Variants in CRYBG1 observed in about 807,000 individuals in gnomAD.
The protein encoded by CRYBG1 is beta/gamma crystallin domain-containing protein 1.
CRYBG1 carries 139 observed loss-of-function variants against 189.2 expected under a neutral mutation model. That is an observed-to-expected ratio of 0.73 (90% CI 0.64 to 0.85). The LOEUF (loss-of-function observed/expected upper bound fraction) is 0.85. CRYBG1 is among the 40% of genes least tolerant of loss of function. The pLI is 0.00. For synonymous variants in CRYBG1, 1,023 were observed against 1,017.1 expected, an observed-to-expected ratio of 1.01 and a Z score of -0.11; for missense variants, 2,611 against 2,675.8, an observed-to-expected ratio of 0.98 and a Z score of 0.53.
intron 2 of CRYBG1, among the ~76,000 whole-genome samples, chr6:106,510,625 T>G (rs572609415): frequency 1.3e-5 from 2 of 152,066 alleles, no homozygotes; most frequent in South Asian, 2.1e-4. Context: ...GTAGGCAGAG[T>G]CCCAAGCGCA....
intron 2 of CRYBG1, among the ~76,000 whole-genome samples, chr6:106,468,037 T>A (rs751598605): frequency 3.3e-5 from 5 of 151,962 alleles, no homozygotes; most frequent in Admixed American, 6.6e-5. Flanking sequence ...CATCTGTAAG[T>A]GTTGAATAAA....
chr6:106,435,582 A>C (rs1003976684), intron 1 of CRYBG1, among the ~76,000 whole-genome samples: 5 of 150,874 alleles, frequency 3.3e-5, no homozygotes, highest in African/African-American at 1.2e-4. Flanking sequence ...TTTTCCTTGC[A>C]AATTTAATTA....
At position 106,361,078 on chromosome 6, in the gene CRYBG1, C is replaced by A. The variant is rs375109528; in HGVS notation, c.170C>A (p.Ala57Asp). Residue 57 changes from alanine (A) to aspartate (D), a missense_variant, in exon 1 of 22, where the codon GCC (alanine) becomes GAC (aspartate). Ala to Asp is a moderately radical substitution (Grantham distance 126). Transcript: ENST00000633556. ...CCGCTCCCGGCGCCTGCCGGAGAGG[C>A]CAGGTGAGCTCCTCGCCCGAGCCCT... ...PHPLPAPAGE[A>D]RALDVVDGKY... The A allele has an allele frequency of 2.6e-6, 4 of 1,534,690 alleles. No homozygotes were observed. Among genetic ancestry groups the A allele is most frequent in the South Asian group, 1.2e-5 (1 of 83,988 alleles).
intron 1 of CRYBG1, among the ~76,000 whole-genome samples, chr6:106,393,837 T>G (rs1770555223): frequency 2.0e-5 from 3 of 152,118 alleles, no homozygotes; most frequent in Non-Finnish European, 4.4e-5. Flanking sequence ...CATGCTTGGC[T>G]AATTTATGTA....
rs904763369 is a variant in CRYBG1 at position 106,568,865 on chromosome 6, A to T, written c.*299A>T. Reference sequence around the variant, plus strand: ...TGATTTTGTAAAATGTTATATCAAGATTTCAAGACTGTGTACATTTTAAAT... The same window carrying T: ...TGATTTTGTAAAATGTTATATCAAGTTTTCAAGACTGTGTACATTTTAAAT... On this transcript the variant is annotated 3_prime_UTR_variant, in exon 22 of 22. Transcript: ENST00000633556. The T allele has an allele frequency of 1.0e-5, 3 of 290,000 alleles. No individual in the cohort carries two copies. The highest frequency in any genetic ancestry group is 1.1e-3 in the Middle Eastern group (1 of 912). 18.0% of individuals were successfully genotyped at this position (290,000 alleles called of 1,614,324 possible). A position where few individuals can be genotyped will look rare whatever the true frequency, so the allele number is the denominator to read the frequency against.
At position 106,570,086 on chromosome 6, in the gene CRYBG1, A is replaced by G. The variant is rs557225123; in HGVS notation, c.*1520A>G. Reference sequence around the variant, plus strand: ...CCAACAGTGGGTTCTAGCTTTGAACAAAAGTGCTAAACATTTCCTTGAATA... The same window carrying G: ...CCAACAGTGGGTTCTAGCTTTGAACGAAAGTGCTAAACATTTCCTTGAATA... On this transcript the variant is annotated 3_prime_UTR_variant, in exon 22 of 22. Coordinates refer to ENST00000633556, the MANE Select transcript of CRYBG1 (RefSeq NM_001371242.2). 1 of 152,352 alleles carries G rather than the reference A, an allele frequency of 6.6e-6. No homozygotes were observed. The allele number at this position is 152,352 out of a possible 1,614,324, so 9.4% of individuals were successfully genotyped here. A position where few individuals can be genotyped will look rare whatever the true frequency, so the allele number is the denominator to read the frequency against.
intron 2 of CRYBG1, chr6:106,454,947 T>C (rs1167688174): frequency 2.0e-5 from 3 of 152,234 alleles, no homozygotes; most frequent in Non-Finnish European, 4.4e-5. Context: ...ACATTTACTA[T>C]ACCTGCTTGT....
chr6:106,554,471 G>A (rs1450138718), intron 16 of CRYBG1, among the ~76,000 whole-genome samples: 2 of 152,048 alleles, frequency 1.3e-5, no homozygotes, highest in Non-Finnish European at 2.9e-5. Flanking sequence ...AAAATTAGCC[G>A]GGCATGGTGA....
intron 18 of CRYBG1, among the ~76,000 whole-genome samples, chr6:106,560,547 C>T (rs968838): frequency 0.99 from 150,338 of 152,282 alleles, 74,235 homozygotes; most frequent in East Asian, 1. Flanking sequence ...CAATATTTCA[C>T]TGCTTTACGG....
intron 7 of CRYBG1, 58 bp from the exon 8 acceptor site, chr6:106,530,118 A>C (rs1773844349): frequency 7.0e-7 from 1 of 1,435,482 alleles, no homozygotes; most frequent in African/African-American, 1.4e-5. Context: ...GAATGAGCTT[A>C]CTAGAGAGTG....
At chr6:106,438,317 G>T (rs967347409) in intron 1 of CRYBG1, among the ~76,000 whole-genome samples, 8 of 152,240 alleles carry the variant, frequency 5.3e-5, no homozygotes, top group Admixed American at 1.3e-4. Context: ...TCACGTTGGG[G>T]TAGCGTGGTA....
chr6:106,445,361 T>A (rs1447606315), intron 1 of CRYBG1, among the ~76,000 whole-genome samples: 1 of 152,208 alleles, frequency 6.6e-6, no homozygotes, highest in Non-Finnish European at 1.5e-5. Context: ...TCATTAGCCG[T>A]GTGACTTTGA....
chr6:106,497,886 T>A (rs1206092444), intron 2 of CRYBG1, among the ~76,000 whole-genome samples: 7 of 151,862 alleles, frequency 4.6e-5, no homozygotes, highest in Non-Finnish European at 1.0e-4. Flanking sequence ...AGCTCAGGAG[T>A]TCTAGAGTGG....
rs536869689 is a variant in CRYBG1, at chr6:106,459,140, G to T, written c.312+7308G>T. ...TGATGTTTCCATTTGAAGGTATTAT[G>T]GTCACCAGGATGTAACAGGAAAGCT... On this transcript the variant is annotated intron_variant, in intron 2 of 21. Transcript: ENST00000633556. Among the ~76,000 whole-genome samples, 6 of 152,268 alleles carry T rather than the reference G, an allele frequency of 3.9e-5. No individual in the cohort carries two copies. In the South Asian group the frequency reaches 1.2e-3, roughly 32 times the overall value.
chr6:106,462,161 G>GT (rs796455273), intron 2 of CRYBG1, among the ~76,000 whole-genome samples: 54 of 151,436 alleles, frequency 3.6e-4, no homozygotes, highest in African/African-American at 1.2e-3. Flanking sequence ...TTTGTTTTTT[G>GT]TTTTTTTGTT....
At chr6:106,470,274 G>A (rs762114867) in intron 2 of CRYBG1, among the ~76,000 whole-genome samples, 4 of 152,140 alleles carry the variant, frequency 2.6e-5, no homozygotes, top group African/African-American at 4.8e-5. Flanking sequence ...GCAATGAGCT[G>A]TGTTCACGCC....
intron 3 of CRYBG1, among the ~76,000 whole-genome samples, chr6:106,513,916 G>T (rs1477590317): frequency 6.6e-6 from 1 of 152,192 alleles, no homozygotes; most frequent in African/African-American, 2.4e-5. Context: ...TTCTGTGCAA[G>T]ATATTGTGCT....
rs752981259 is a variant in CRYBG1 at position 106,366,703 on chromosome 6, T to TGG, written c.173+5623_173+5624dup. 9.2e-5 allele frequency among the ~76,000 whole-genome samples: 14 copies of TGG among 152,338 alleles called. No homozygotes were observed. The South Asian group carries it at 2.9e-3, about 32-fold the overall frequency. On this transcript the variant is annotated intron_variant, in intron 1 of 21. Transcript: ENST00000633556. ...AATGGAGGCAATTACACTTCTCTTATGGAGCTGTAGGAGGATTGGATGTTA... is the reference window on the plus strand; with the variant it reads ...AATGGAGGCAATTACACTTCTCTTATGGGGAGCTGTAGGAGGATTGGATGTTA...
chr6:106,538,349 G>A lies in CRYBG1; in HGVS notation c.4719-1054G>A, dbSNP rs77916302. Reference sequence around the variant, plus strand: ...CACATTAGAGGAGGGTGGGGCTGCTGGTTCCCCAACTGAAGCAGAAGTGAC... The same window carrying A: ...CACATTAGAGGAGGGTGGGGCTGCTAGTTCCCCAACTGAAGCAGAAGTGAC... On this transcript the variant is annotated intron_variant, in intron 8 of 21. Transcript: ENST00000633556. Among the ~76,000 whole-genome samples, 297 of 152,228 alleles carry A rather than the reference G, an allele frequency of 2.0e-3. 1 individual carries two copies. The highest frequency in any genetic ancestry group is 3.6e-3 in the Non-Finnish European group (248 of 68,012).
Sources: gnomAD v4.1 joint callset for allele counts (sites outside exome capture counted in the v4.1 genomes callset) on GRCh38, gnomAD v4.1.1 for gene constraint, MANE v1.5 for transcripts, NCBI Gene and HGNC (gene_info 2026-07-23, HGNC 2026-07-21) for gene names.